The following DGKB variants were observed in gnomAD, a reference collection of about 807,000 sequenced individuals.
The protein encoded by DGKB is diacylglycerol kinase beta.
A neutral mutation model predicts 114.3 loss-of-function variants in DGKB; 67 were observed. The observed-to-expected ratio is 0.59, with a 90% CI of 0.48 to 0.72. The LOEUF (loss-of-function observed/expected upper bound fraction) is 0.72. Ranked by LOEUF, DGKB falls within the 30% of genes least tolerant of loss-of-function variation. DGKB has a pLI of 0.00. For missense variants in DGKB, 907 were observed against 975.2 expected (o/e 0.93, Z 0.93); for synonymous variants, 398 against 323.1 (o/e 1.23, Z -2.49).
chr7:14,920,180 CTT>C (rs1416973804), intron 1 of DGKB, among the ~76,000 whole-genome samples: 1 of 152,088 alleles, frequency 6.6e-6, no homozygotes, highest in Non-Finnish European at 1.5e-5. Flanking sequence ...AAATTTAAAA[CTT>C]ATGTGCAAAA....
chr7:14,621,618 G>T, intron 14 of DGKB, 124 bp from the exon 15 acceptor site: 2 of 607,480 alleles, frequency 3.3e-6, no homozygotes, highest in Non-Finnish European at 5.7e-6. Flanking sequence ...CTAATTTGAA[G>T]TTCCTAGTGA....
At chr7:14,889,438 T>C (rs887109538) in intron 1 of DGKB, among the ~76,000 whole-genome samples, 2 of 151,626 alleles carry the variant, frequency 1.3e-5, no homozygotes, top group South Asian at 4.1e-4. Flanking sequence ...ATTTTATTTC[T>C]TAGTGCTTTC....
At chr7:14,937,025 TACACACAC>T (rs56176139) in intron 1 of DGKB, among the ~76,000 whole-genome samples, 5,950 of 132,288 alleles carry the variant, frequency 0.045, 264 homozygotes, top group African/African-American at 0.12. Context: ...GTCCATTCAC[TACACACAC>T]ACACACACAC....
intron 13 of DGKB, among the ~76,000 whole-genome samples, chr7:14,639,214 GA>G (rs956556696): frequency 3.9e-5 from 6 of 151,952 alleles, no homozygotes; most frequent in African/African-American, 9.7e-5. Flanking sequence ...GAGAATTGAA[GA>G]AAAAACTGAA....
rs547428287 is a variant in DGKB, at chr7:14,663,184, T to C, written c.1134+9745A>G. On this transcript the variant is annotated intron_variant, in intron 13 of 25. Transcript: ENST00000402815. Reference sequence around the variant, plus strand: ...AACCAATTTACTCTCTCACCTGCAATGGATGAACAATTTGGCTGAATCTTA... The same window carrying C: ...AACCAATTTACTCTCTCACCTGCAACGGATGAACAATTTGGCTGAATCTTA... Among the ~76,000 whole-genome samples, 55 of 152,138 alleles carry C rather than the reference T, an allele frequency of 3.6e-4. 1 individual carries two copies. In the South Asian group the frequency reaches 9.9e-3, roughly 27 times the overall value.
At chr7:14,247,326 A>C (rs1032260442) in intron 23 of DGKB, among the ~76,000 whole-genome samples, 2 of 152,168 alleles carry the variant, frequency 1.3e-5, no homozygotes, top group African/African-American at 4.8e-5. Context: ...GAGAGTACAG[A>C]TATTTCTTCA....
At chr7:14,623,440 T>C (rs1235033198) in intron 14 of DGKB, among the ~76,000 whole-genome samples, 1 of 152,190 alleles carries the variant, frequency 6.6e-6, no homozygotes, top group South Asian at 2.1e-4. Context: ...CCAAGTACAA[T>C]ACATTTATTA....
intron 9 of DGKB, among the ~76,000 whole-genome samples, chr7:14,691,991 G>T (rs1162717872): frequency 2.0e-5 from 3 of 151,966 alleles, no homozygotes; most frequent in Admixed American, 6.6e-5. Context: ...CACATTAAAT[G>T]CATAGAATTG....
intron 13 of DGKB, among the ~76,000 whole-genome samples, chr7:14,656,540 C>G (rs1815834557): frequency 6.6e-6 from 1 of 151,450 alleles, no homozygotes; most frequent in Admixed American, 6.6e-5. Context: ...ATATTAACTT[C>G]CCAATTGTTC....
chr7:14,932,161 G>A (rs1785052965), intron 1 of DGKB, among the ~76,000 whole-genome samples: 1 of 152,162 alleles, frequency 6.6e-6, no homozygotes, highest in Admixed American at 6.5e-5. Context: ...GTTCTGGACT[G>A]TACAAATCCC....
chr7:14,660,518 C>A (rs559515067), intron 13 of DGKB, among the ~76,000 whole-genome samples: 1 of 151,832 alleles, frequency 6.6e-6, no homozygotes, highest in Non-Finnish European at 1.5e-5. Context: ...GAGGTGTTTG[C>A]AGTATTCTCT....
At chr7:14,352,549 C>A (rs1165390881) in intron 21 of DGKB, among the ~76,000 whole-genome samples, 1 of 152,096 alleles carries the variant, frequency 6.6e-6, no homozygotes, top group Non-Finnish European at 1.5e-5. Flanking sequence ...GTGATAAATT[C>A]ATAATTATTT....
At chr7:14,424,336 C>A (rs1479277103) in intron 21 of DGKB, among the ~76,000 whole-genome samples, 3 of 152,050 alleles carry the variant, frequency 2.0e-5, no homozygotes, top group Non-Finnish European at 2.9e-5. Flanking sequence ...CTTGATGCTT[C>A]GTGACTATTT....
rs953634162 is a variant in DGKB at position 14,340,997 on chromosome 7, T to TA, written c.1927-2288dup. 2.4e-3 allele frequency among the ~76,000 whole-genome samples: 355 copies of TA among 150,748 alleles called. 2 individuals carry two copies. Among genetic ancestry groups the TA allele is most frequent in the East Asian group, 9.6e-3 (49 of 5,116 alleles). ...GTTGCAAAGAGGCTTCTTTTTTTTT[T>TA]AAAAAAAAGAATTGAACCAGCTGAG... On this transcript the variant is annotated intron_variant, in intron 22 of 25. Coordinates refer to ENST00000402815, the MANE Select transcript of DGKB (RefSeq NM_001350709.2).
chr7:14,561,319 G>A (rs1796627863), intron 20 of DGKB, among the ~76,000 whole-genome samples: 1 of 152,132 alleles, frequency 6.6e-6, no homozygotes, highest in Non-Finnish European at 1.5e-5. Context: ...GAATCTGTGA[G>A]TTTATTAACC....
At chr7:14,923,413 G>A (rs542661774) in intron 1 of DGKB, among the ~76,000 whole-genome samples, 2 of 152,062 alleles carry the variant, frequency 1.3e-5, no homozygotes, top group African/African-American at 4.8e-5. Flanking sequence ...ACATATAAAT[G>A]AGATTATATG....
At chr7:14,238,597 A>G (rs564426259) in intron 23 of DGKB, among the ~76,000 whole-genome samples, 8 of 146,942 alleles carry the variant, frequency 5.4e-5, no homozygotes, top group Non-Finnish European at 1.2e-4. Context: ...ATAAAACAGC[A>G]ATGATCGTAG....
chr7:14,696,080 C>T (rs1387723111), intron 8 of DGKB, among the ~76,000 whole-genome samples: 1 of 152,126 alleles, frequency 6.6e-6, no homozygotes, highest in Non-Finnish European at 1.5e-5. Flanking sequence ...ACTACTCAGC[C>T]ACCAGCTTTC....
intron 2 of DGKB, among the ~76,000 whole-genome samples, chr7:14,774,220 A>G (rs760242143): frequency 6.6e-6 from 1 of 152,226 alleles, no homozygotes; most frequent in South Asian, 2.1e-4. Flanking sequence ...CTTGGAAAGT[A>G]TCTCCTCCAA....
Sources: gnomAD v4.1 joint callset for allele counts (sites outside exome capture counted in the v4.1 genomes callset) on GRCh38, gnomAD v4.1.1 for gene constraint, MANE v1.5 for transcripts, NCBI Gene and HGNC (gene_info 2026-07-23, HGNC 2026-07-21) for gene names.